The following MMP25 variants were observed in gnomAD, a reference collection of about 807,000 sequenced individuals.
The protein encoded by MMP25 is matrix metallopeptidase 25, also known as matrix metalloproteinase-25.
MMP25 carries 68 observed loss-of-function variants against 62.1 expected under a neutral mutation model. That is an observed-to-expected ratio of 1.10 (90% CI 0.90 to 1.34). MMP25 has a LOEUF of 1.34. MMP25 is among the 40% of genes most tolerant of loss of function. The probability of loss-of-function intolerance (pLI) is 0.00; values close to 1 mark genes in which losing one functional copy is unlikely to be tolerated. For synonymous variants in MMP25, 407 were observed against 345.6 expected (o/e 1.18, Z -1.97); for missense variants, 942 against 792.5 (o/e 1.19, Z -2.26).
At position 3,047,481 on chromosome 16, in the gene MMP25, G is replaced by C; in HGVS notation, c.166G>C (p.Glu56Gln). Residue 56 changes from glutamate to glutamine, a missense_variant, in exon 2 of 10, where the codon GAG (glutamate) becomes CAG (glutamine). Transcript: ENST00000336577. Reference sequence around the variant, plus strand: ...TGCCCAGGCCCAGCTGCAGAGCCCTGAGAAGTTGCGCGATGCCATCAAAGT... The same window carrying C: ...TGCCCAGGCCCAGCTGCAGAGCCCTCAGAAGTTGCGCGATGCCATCAAAGT... ...HPAQAQLQSP[E>Q]KLRDAIKVMQ... 1.2e-6 allele frequency: 2 copies of C among 1,613,942 alleles called. No homozygotes were observed. Among genetic ancestry groups the C allele is most frequent in the African/African-American group, 1.3e-5 (1 of 75,036 alleles).
In MMP25 at chr16:3,058,315, C is replaced by G; in HGVS notation, c.1141C>G (p.Arg381Gly). Residue 381 changes from arginine (R) to glycine (G), a missense_variant, in exon 8 of 10, where the codon CGA becomes GGA. Coordinates refer to ENST00000336577, the MANE Select transcript of MMP25 (RefSeq NM_022468.5). The part of the protein sequence containing the change: ...QAAYARHRDG[R>G]ILLFSGPQFW... ...CGCCTATGCTCGGCACCGAGACGGC[C>G]GAATCCTCCTCTTTAGCGGTGAGTG... The G allele has an allele frequency of 2.5e-6, 4 of 1,597,852 alleles. No individual in the cohort carries two copies. The highest frequency in any genetic ancestry group is 3.4e-6 in the Non-Finnish European group (4 of 1,174,048).
chr16:3,053,395 C>T (rs982257985), intron 4 of MMP25: 9 of 151,438 alleles, frequency 5.9e-5, no homozygotes, highest in African/African-American at 2.2e-4. Context: ...GGTTCTTCCA[C>T]TTGTAATGAA....
At chr16:3,057,689 C>T in intron 7 of MMP25, 76 bp downstream of exon 7, 1 of 1,373,820 alleles carries the variant, frequency 7.3e-7, no homozygotes, top group Non-Finnish European at 1.0e-6. Flanking sequence ...TGTGGGCTTA[C>T]CCTGGAAGCG....
In MMP25 at chr16:3,058,035, T is replaced by C; in HGVS notation, c.1007-146T>C. On this transcript the variant is annotated intron_variant, in intron 7 of 9. Coordinates refer to ENST00000336577, the MANE Select transcript of MMP25 (RefSeq NM_022468.5). ...TTTTAGCGCTAAAAAGGGAAAAGTC[T>C]CAGGCGGGCCAGGATGGGCTGGTCA... 4.2e-6 allele frequency: 4 copies of C among 947,456 alleles called. No homozygotes were observed. The South Asian group carries it at 6.9e-5, about 16-fold the overall frequency. The allele number at this position is 947,456 out of a possible 1,614,324, so 58.7% of individuals were successfully genotyped here.
At chr16:3,051,841 T>G (rs1955907228) in intron 4 of MMP25, 1 of 152,046 alleles carries the variant, frequency 6.6e-6, no homozygotes, top group Non-Finnish European at 1.5e-5. Flanking sequence ...TATATGAATA[T>G]AGGCCGGGCG....
rs1956050569 is a variant in MMP25 at position 3,058,328 on chromosome 16, T to A, written c.1154T>A (p.Phe385Tyr). 1.3e-6 allele frequency: 2 copies of A among 1,573,272 alleles called. No homozygotes were observed. The highest frequency in any genetic ancestry group is 3.7e-5 in the Admixed American group (2 of 53,670). Residue 385 changes from phenylalanine to tyrosine, a missense_variant, in exon 8 of 10, where the codon TTT (phenylalanine) becomes TAT (tyrosine). Transcript: ENST00000336577. ...CACCGAGACGGCCGAATCCTCCTCT[T>A]TAGCGGTGAGTGGGGCCGGCGGCGG... Reference protein sequence around the residue: ...ARHRDGRILLFSGPQFWVFQD... With the variant: ...ARHRDGRILLYSGPQFWVFQD...
At position 3,059,074 on chromosome 16, in the gene MMP25, G is replaced by C. The variant is rs993016513; in HGVS notation, c.1665G>C (p.Leu555=). 3 of 1,548,324 alleles carry C rather than the reference G, an allele frequency of 1.9e-6. No homozygotes were observed. The African/African-American group carries it at 4.1e-5, about 21-fold the overall frequency. The change falls in exon 10 of 10, where the codon CTG becomes CTC. Residue 555 remains leucine (L), a synonymous_variant. Coordinates refer to ENST00000336577, the MANE Select transcript of MMP25 (RefSeq NM_022468.5). ...TCCCGCTGCTCCTCTTGCCCCTGCT[G>C]GTGGGGGGTGTAGCCTCCCGCTGAT... The part of the protein sequence containing the change: ...APIPLLLLPL[L]VGGVASR
rs148613771 is a variant in MMP25, at chr16:3,050,087, G to A, written c.311G>A (p.Arg104Gln). The A allele has an allele frequency of 1.4e-3, 2,236 of 1,611,242 alleles. 3 individuals are homozygous for A. Among genetic ancestry groups the A allele is most frequent in the Non-Finnish European group, 1.8e-3 (2,073 of 1,179,846 alleles). Residue 104 changes from arginine (R) to glutamine (Q), a missense_variant, in exon 3 of 10, where the codon CGG (arginine) becomes CAG (glutamine). Physicochemically the swap from Arg to Gln is conservative, Grantham distance 43. Coordinates refer to ENST00000336577, the MANE Select transcript of MMP25 (RefSeq NM_022468.5). The stretch of plus-strand genomic sequence containing the variant: ...CTGGGGGTGGCGGGGCTGGTCAGGC[G>A]GCGTCGCCGGTACGCTCTGAGCGGC... The part of the protein sequence containing the change: ...DVLGVAGLVR[R>Q]RRRYALSGSV...
intron 7 of MMP25, 53 bp downstream of exon 7, chr16:3,057,666 G>T: frequency 1.3e-6 from 2 of 1,519,260 alleles, no homozygotes; most frequent in South Asian, 2.2e-5. Flanking sequence ...CACTTCCAGT[G>T]ACCCACTGGG....
At chr16:3,048,071 T>A (rs1382621314) in intron 2 of MMP25, among the ~76,000 whole-genome samples, 1 of 152,150 alleles carries the variant, frequency 6.6e-6, no homozygotes, top group Non-Finnish European at 1.5e-5. Flanking sequence ...ACTCCTGGCC[T>A]CAGGTAACCC....
chr16:3,057,335 C>T lies in MMP25; in HGVS notation c.864C>T (p.Asp288=). 7 of 1,614,038 alleles carry T rather than the reference C, an allele frequency of 4.3e-6. No homozygotes were observed. Among genetic ancestry groups the T allele is most frequent in the African/African-American group, 1.3e-5 (1 of 75,030 alleles). Residue 288 remains aspartate (D), a synonymous_variant, in exon 6 of 10, where the codon GAC becomes GAT. Coordinates refer to ENST00000336577, the MANE Select transcript of MMP25 (RefSeq NM_022468.5). ...GGAAGGCGCCCCAAACCCCATATGACAAGCCCACAAGGAAACCCCTGGCTC... is the reference window on the plus strand; with the variant it reads ...GGAAGGCGCCCCAAACCCCATATGATAAGCCCACAAGGAAACCCCTGGCTC... The part of the protein sequence containing the change: ...LYGKAPQTPY[D]KPTRKPLAPP...
At position 3,058,259 on chromosome 16, in the gene MMP25, G is replaced by T. The variant is rs1272441809; in HGVS notation, c.1085G>T (p.Gly362Val). 6.2e-7 allele frequency: 1 copy of T among 1,611,502 alleles called. No homozygotes were observed. The highest frequency in any genetic ancestry group is 8.5e-7 in the Non-Finnish European group (1 of 1,179,236). Residue 362 changes from glycine (G) to valine (V), a missense_variant, in exon 8 of 10, where the codon GGG becomes GTG. Physicochemically the swap from Gly to Val is moderately radical, Grantham distance 109. Transcript: ENST00000336577. ...GCACGGCTGCACCGCTTCTGGGAGG[G>T]GCTGCCCGCCCAGGTGAGGGTGGTG... The part of the protein sequence containing the change: ...RPARLHRFWE[G>V]LPAQVRVVQA...
At position 3,050,005 on chromosome 16, in the gene MMP25, G is replaced by A. The variant is rs774510165; in HGVS notation, c.233-4G>A. ...CACCCCCCACCGCCAAATGTCTCCC[G>A]CAGACCCAGGGACAGTGGCCACCAT... On this transcript the variant is annotated splice_region_variant and splice_polypyrimidine_tract_variant and intron_variant, in intron 2 of 9. Coordinates refer to ENST00000336577, the MANE Select transcript of MMP25 (RefSeq NM_022468.5). 1.9e-5 allele frequency: 31 copies of A among 1,608,426 alleles called. No homozygotes were observed. Among genetic ancestry groups the A allele is most frequent in the Non-Finnish European group, 2.4e-5 (28 of 1,179,922 alleles).
In MMP25 at chr16:3,050,341, G is replaced by C; in HGVS notation, c.456G>C (p.Glu152Asp). 1.2e-6 allele frequency: 2 copies of C among 1,614,030 alleles called. No homozygotes were observed. The highest frequency in any genetic ancestry group is 1.7e-6 in the Non-Finnish European group (2 of 1,180,004). ...MSYALMAWGM[E>D]SGLTFHEVDS... is the part of the protein sequence containing the mutation. ...ATGCCCTGATGGCCTGGGGCATGGA[G>C]TCAGGCCTCACATTTCATGAGGTGG... is the stretch of plus-strand genomic sequence containing the variant. The change falls in exon 4 of 10, where the codon GAG becomes GAC. Residue 152 changes from glutamate to aspartate, a missense_variant. By Grantham distance (45) the Glu-to-Asp change is conservative. Coordinates refer to ENST00000336577, the MANE Select transcript of MMP25 (RefSeq NM_022468.5).
In MMP25 at chr16:3,057,574, G is replaced by C. The variant is rs146563349; in HGVS notation, c.967G>C (p.Ala323Pro). Residue 323 changes from alanine to proline, a missense_variant, in exon 7 of 10, where the codon GCC becomes CCC. Physicochemically the swap from Ala to Pro is conservative, Grantham distance 27 (BLOSUM62 -1). Coordinates refer to ENST00000336577, the MANE Select transcript of MMP25 (RefSeq NM_022468.5). Reference protein sequence around the residue: ...IPDRCEGNFDAIANIRGETFF... With the variant: ...IPDRCEGNFDPIANIRGETFF... The stretch of plus-strand genomic sequence containing the variant: ...TGATCGATGTGAGGGCAATTTTGAC[G>C]CCATCGCCAACATCCGAGGGGAAAC... 1 of 1,614,070 alleles carries C rather than the reference G, an allele frequency of 6.2e-7. No homozygotes were observed. Among genetic ancestry groups the C allele is most frequent in the Admixed American group, 1.7e-5 (1 of 60,008 alleles).
At chr16:3,047,610 C>A in intron 2 of MMP25, 63 bp downstream of exon 2, 1 of 1,555,264 alleles carries the variant, frequency 6.4e-7, no homozygotes, top group Non-Finnish European at 8.8e-7. Context: ...CGCCCAACAG[C>A]CTTTAGACCT....
intron 4 of MMP25, chr16:3,051,651 A>G (rs1045807561): frequency 2.0e-5 from 3 of 152,070 alleles, no homozygotes; most frequent in African/African-American, 7.3e-5. Context: ...GACGAAAACA[A>G]ATCTTTACCT....
At chr16:3,048,115 A>G (rs139629221) in intron 2 of MMP25, among the ~76,000 whole-genome samples, 2,149 of 152,254 alleles carry the variant, frequency 0.014, 50 homozygotes, top group African/African-American at 0.048. Flanking sequence ...CTGGGATTAC[A>G]GGTGTGAGCC....
At position 3,050,298 on chromosome 16, in the gene MMP25, T is replaced by TG; in HGVS notation, c.414dup (p.Arg139AlafsTer21). ...AGCTCCCAGCTGAGCCAGGAGACCG[T>TG]GCGGGTCCTCATGAGCTATGCCCTG... On this transcript the variant is annotated frameshift_variant, in exon 4 of 10. Transcript: ENST00000336577. LOFTEE classifies it high-confidence loss of function. 1 of 1,612,340 alleles carries TG rather than the reference T, an allele frequency of 6.2e-7. No homozygotes were observed. Among genetic ancestry groups the TG allele is most frequent in the Non-Finnish European group, 8.5e-7 (1 of 1,178,944 alleles).
Sources: allele counts gnomAD v4.1 joint callset (sites outside exome capture counted in the v4.1 genomes callset), GRCh38; gene constraint gnomAD v4.1.1; transcripts MANE v1.5; gene names NCBI Gene and HGNC (gene_info 2026-07-23, HGNC 2026-07-21).